CFAP70: variants seen among roughly 807,000 people sequenced by gnomAD.
CFAP70 encodes cilia and flagella associated protein 70, also known as cilia- and flagella-associated protein 70.
CFAP70 carries 81 observed loss-of-function variants against 137.6 expected under a neutral mutation model. The ratio of observed to expected loss-of-function variants is 0.59; its 90% CI spans 0.49 to 0.71. The LOEUF (loss-of-function observed/expected upper bound fraction) is 0.71, where lower values mean the gene tolerates loss of function less well. Among genes scored for constraint, CFAP70 ranks in the 30% least tolerant of loss-of-function variants. The pLI is 0.00. For synonymous variants in CFAP70, 382 were observed against 423.6 expected, an observed-to-expected ratio of 0.90 and a Z score of 1.20; for missense variants, 976 against 1,226.7, an observed-to-expected ratio of 0.80 and a Z score of 3.05.
intron 9 of CFAP70, among the ~76,000 whole-genome samples, chr10:73,316,481 G>GATATATATATATAT (rs1253458738): frequency 1.1e-4 from 12 of 106,544 alleles, no homozygotes; most frequent in African/African-American, 4.3e-4. Context: ...TATATATATA[G>GATATATATATATAT]ATATAGATAT....
At chr10:73,298,672 C>G (rs1315353723) in intron 14 of CFAP70, among the ~76,000 whole-genome samples, 1 of 152,124 alleles carries the variant, frequency 6.6e-6, no homozygotes, top group Non-Finnish European at 1.5e-5. Flanking sequence ...GGCCCAGCCT[C>G]AAGTGAATAA....
intron 4 of CFAP70, among the ~76,000 whole-genome samples, chr10:73,346,654 A>G (rs2053739708): frequency 6.6e-6 from 1 of 152,136 alleles, no homozygotes; most frequent in South Asian, 2.1e-4. Flanking sequence ...AAAAAAAAAA[A>G]GAATGTGTAT....
At chr10:73,335,591 G>A (rs7910669) in intron 6 of CFAP70, 67 bp from the exon 8 acceptor site, 82,727 of 1,102,654 alleles carry the variant, frequency 0.075, 4,988 homozygotes, top group East Asian at 0.28. Flanking sequence ...CATCTATAGG[G>A]CATTCTTTTA....
intron 6 of CFAP70, among the ~76,000 whole-genome samples, chr10:73,336,574 ATTTTCCTTTTTT>A: frequency 7.8e-6 from 1 of 128,528 alleles, no homozygotes; most frequent in South Asian, 2.4e-4. Flanking sequence ...GTGTTATACT[ATTTTCCTTTTTT>A]TTTTTTTTTT....
intron 12 of CFAP70, 135 bp downstream of exon 13, chr10:73,310,023 A>C: frequency 1.8e-6 from 1 of 542,592 alleles, no homozygotes; most frequent in African/African-American, 1.9e-5. Flanking sequence ...AACAACAACA[A>C]CAAAAACTTC....
At chr10:73,291,952 T>C in exon 17 of CFAP70, 3 of 1,614,156 alleles carry the variant, frequency 1.9e-6, no homozygotes, top group Non-Finnish European at 2.5e-6. Context: ...TGTCTTCAGT[T>C]AGGAGGCAGA....
intron 16 of CFAP70, 101 bp from the exon 18 acceptor site, chr10:73,292,115 G>C (rs1188375284): frequency 7.1e-7 from 1 of 1,412,036 alleles, no homozygotes; most frequent in Non-Finnish European, 9.7e-7. Flanking sequence ...TTCTATGAAA[G>C]CACAGATTGT....
intron 24 of CFAP70, 155 bp downstream of exon 25, chr10:73,272,773 A>G (rs1007315697): frequency 1.4e-6 from 1 of 727,350 alleles, no homozygotes; most frequent in African/African-American, 1.7e-5. Context: ...AGTGACCTTC[A>G]GTTCACTGAA....
At chr10:73,286,674 T>C (rs542770412) in intron 19 of CFAP70, among the ~76,000 whole-genome samples, 5 of 152,218 alleles carry the variant, frequency 3.3e-5, no homozygotes, top group Admixed American at 1.3e-4. Flanking sequence ...CCTAACCCAG[T>C]GGCGCTAGAG....
At chr10:73,361,637 TAA>T (rs958522707), upstream of CFAP70, among the ~76,000 whole-genome samples, 7 of 152,322 alleles carry the variant, frequency 4.6e-5, no homozygotes, top group African/African-American at 1.7e-4. Flanking sequence ...ATCTTTCTAA[TAA>T]AATTTGAATG....
At chr10:73,347,002 GTTCTA>G (rs1285818392) in intron 4 of CFAP70, 1 of 152,132 alleles carries the variant, frequency 6.6e-6, no homozygotes, top group African/African-American at 2.4e-5. Context: ...CAAATTCTTT[GTTCTA>G]TTCTTTCCCC....
At chr10:73,361,388 G>C (rs2055002945), upstream of CFAP70, among the ~76,000 whole-genome samples, 1 of 150,894 alleles carries the variant, frequency 6.6e-6, no homozygotes, top group African/African-American at 2.4e-5. Flanking sequence ...TGCCTCCCGG[G>C]TTCAAGTGAC....
At chr10:73,273,273 G>C (rs2046447204) in intron 23 of CFAP70, among the ~76,000 whole-genome samples, 1 of 152,166 alleles carries the variant, frequency 6.6e-6, no homozygotes, top group African/African-American at 2.4e-5. Context: ...AAGAGTTGAG[G>C]CAAGGAGTTA....
chr10:73,274,733 T>C (rs1009716370), intron 22 of CFAP70, 139 bp from the exon 24 acceptor site: 2 of 813,822 alleles, frequency 2.5e-6, no homozygotes, highest in Non-Finnish European at 3.7e-6. Context: ...GTTTTCTTTT[T>C]CTAAGAGCAC....
chr10:73,320,340 T>C (rs1441864960), intron 9 of CFAP70, among the ~76,000 whole-genome samples: 2 of 152,156 alleles, frequency 1.3e-5, no homozygotes, highest in Admixed American at 1.3e-4. Context: ...TTTAATTTTT[T>C]TTGAGACAAG....
chr10:73,285,786 C>T (rs553201530), intron 19 of CFAP70, among the ~76,000 whole-genome samples: 1 of 151,854 alleles, frequency 6.6e-6, no homozygotes, highest in African/African-American at 2.4e-5. Flanking sequence ...AGGCGCCCAC[C>T]ACCACACCTG....
At chr10:73,299,152 G>T in intron 13 of CFAP70, 51 bp from the exon 15 acceptor site, 1 of 1,339,760 alleles carries the variant, frequency 7.5e-7, no homozygotes. Context: ...TCAAGAGCAT[G>T]GATTGGAAGT....
chr10:73,255,301 C>T (rs1054093148), intron 26 of CFAP70, among the ~76,000 whole-genome samples: 5 of 152,096 alleles, frequency 3.3e-5, no homozygotes, highest in African/African-American at 7.2e-5. Flanking sequence ...GAGGCTGAAG[C>T]GGAGAATGGC....
chr10:73,338,358 T>C (rs2052900400), intron 6 of CFAP70, among the ~76,000 whole-genome samples: 1 of 151,824 alleles, frequency 6.6e-6, no homozygotes, highest in Non-Finnish European at 1.5e-5. Context: ...ACTCCTGGTC[T>C]CAAGTGATCT....
Sources: gnomAD v4.1 joint callset for allele counts (sites outside exome capture counted in the v4.1 genomes callset) on GRCh38, gnomAD v4.1.1 for gene constraint, MANE v1.5 for transcripts, NCBI Gene and HGNC (gene_info 2026-07-23, HGNC 2026-07-21) for gene names.